The following PGBD1 variants were observed in gnomAD, a reference collection of about 807,000 sequenced individuals.
The protein encoded by PGBD1 is piggyBac transposable element-derived protein 1.
In PGBD1, 25 loss-of-function variants were observed where a neutral mutation model predicts 34.7. The ratio of observed to expected loss-of-function variants is 0.72; its 90% CI spans 0.52 to 1.00. The LOEUF (loss-of-function observed/expected upper bound fraction) is 1.00, where lower values mean the gene tolerates loss of function less well. Among genes scored for constraint, PGBD1 ranks in the 50% least tolerant of loss-of-function variants. The probability of loss-of-function intolerance (pLI) is 0.00; values close to 1 mark genes in which losing one functional copy is unlikely to be tolerated. For synonymous variants in PGBD1, 292 were observed against 335.7 expected, an observed-to-expected ratio of 0.87 and a Z score of 1.42; for missense variants, 830 against 959.4, an observed-to-expected ratio of 0.87 and a Z score of 1.78.
intron 4 of PGBD1, among the ~76,000 whole-genome samples, chr6:28,291,124 C>CAAAAAAAAAAAAAAAAAAAACAA (rs555039853): frequency 1.5e-5 from 1 of 68,476 alleles, no homozygotes; most frequent in Non-Finnish European, 3.1e-5. Context: ...AAATTGAGAC[C>CAAAAAAAAAAAAAAAAAAAACAA]AAAAAAAAAA....
chr6:28,296,898 T>C lies in PGBD1; in HGVS notation c.725T>C (p.Leu242Pro). The change falls in exon 5 of 7, where the codon CTC becomes CCC. Residue 242 changes from leucine (L) to proline (P), a missense_variant. By Grantham distance (98) the Leu-to-Pro change is moderately conservative (BLOSUM62 -3). Coordinates refer to ENST00000682144, the MANE Select transcript of PGBD1 (RefSeq NM_032507.4). ...WSHLSLTRRNLCGNSAQETVM... is the reference protein window; with the variant it reads ...WSHLSLTRRNPCGNSAQETVM... ...CATCTGAGTCTGACTCGGAGGAACC[T>C]CTGTGGGAACTCAGCTCAGGAGACA... The C allele has an allele frequency of 6.2e-7, 1 of 1,614,178 alleles. No individual in the cohort carries two copies. The highest frequency in any genetic ancestry group is 8.5e-7 in the Non-Finnish European group (1 of 1,180,000).
Position 28,302,256 on chromosome 6 carries a change from T to A in PGBD1, c.2402T>A (p.Leu801Ter). 1 of 1,613,362 alleles carries A rather than the reference T, an allele frequency of 6.2e-7. No homozygotes were observed. The highest frequency in any genetic ancestry group is 8.5e-7 in the Non-Finnish European group (1 of 1,179,404). Residue 801 changes from leucine (L) to a stop codon, truncating the protein, a stop_gained, in exon 7 of 7, where the codon TTG (leucine) becomes TAG (stop). Transcript: ENST00000682144. LOFTEE classifies it high-confidence loss of function. ...CGGAGATTTGTTGCACATTTCTACT[T>A]GGAACACAATGCTCATCTGTCAGAT... ...DFRRFVAHFY[L>*]EHNAHLSD
chr6:28,296,186 T>C (rs1027411439), intron 4 of PGBD1, among the ~76,000 whole-genome samples: 2 of 152,218 alleles, frequency 1.3e-5, no homozygotes, highest in African/African-American at 4.8e-5. Context: ...TTTTAAACAA[T>C]CTTTGTTGAT....
chr6:28,302,405 T>A lies in PGBD1; in HGVS notation c.*121T>A. On this transcript the variant is annotated 3_prime_UTR_variant, in exon 7 of 7. Coordinates refer to ENST00000682144, the MANE Select transcript of PGBD1 (RefSeq NM_032507.4). ...GTAATGAAGTTATTAAATAATACTT[T>A]TAAAAATCAGACATTTATATAGAGT... is the stretch of plus-strand genomic sequence containing the variant. 1 of 1,031,324 alleles carries A rather than the reference T, an allele frequency of 9.7e-7. No individual in the cohort carries two copies. Among genetic ancestry groups the A allele is most frequent in the Non-Finnish European group, 1.4e-6 (1 of 737,034 alleles). 63.9% of individuals were successfully genotyped at this position (1,031,324 alleles called of 1,614,324 possible).
chr6:28,296,302 C>G (rs1461009575), intron 4 of PGBD1, among the ~76,000 whole-genome samples: 1 of 152,170 alleles, frequency 6.6e-6, no homozygotes, highest in Admixed American at 6.5e-5. Context: ...TTTGTTATAA[C>G]TGCAATATTA....
In PGBD1 at chr6:28,297,887, T is replaced by C. The variant is rs373123739; in HGVS notation, c.773-8T>C. The C allele has an allele frequency of 2.6e-5, 33 of 1,274,184 alleles. No homozygotes were observed. The East Asian group carries it at 4.0e-4, about 16-fold the overall frequency. The allele number at this position is 1,274,184 out of a possible 1,614,324, so 78.9% of individuals were successfully genotyped here. The stretch of plus-strand genomic sequence containing the variant: ...GATGACATTTAAATCATTAATGTTA[T>C]ATTTTAGCTGAAGAAATTGTAACTA... On this transcript the variant is annotated splice_region_variant and splice_polypyrimidine_tract_variant and intron_variant, in intron 5 of 6. Transcript: ENST00000682144.
At chr6:28,297,841 T>G (rs1363775151) in intron 5 of PGBD1, 54 bp from the exon 6 acceptor site, 3 of 302,582 alleles carry the variant, frequency 9.9e-6, no homozygotes, top group African/African-American at 8.1e-5. Context: ...TTTTTTTTTT[T>G]TTTTCAAAAT....
At position 28,300,808 on chromosome 6, in the gene PGBD1, C is replaced by T. The variant is rs755137447; in HGVS notation, c.954C>T (p.His318=). The change falls in exon 7 of 7, where the codon CAC becomes CAT. Residue 318 remains histidine (H), a synonymous_variant. Transcript: ENST00000682144. The surrounding 1 kb of genome is among the most constrained non-coding windows in gnomAD (Gnocchi z 4.0). ...VAHLNTLKDR[H]PGDLWARMHI... is the part of the protein sequence containing the mutation. ...ATTTGAACACTCTGAAGGACCGTCACCCAGGTGATTTGTGGGCCCGCATGC... is the reference window on the plus strand; with the variant it reads ...ATTTGAACACTCTGAAGGACCGTCATCCAGGTGATTTGTGGGCCCGCATGC... The T allele has an allele frequency of 3.7e-6, 6 of 1,614,106 alleles. No individual in the cohort carries two copies. In the South Asian group the frequency reaches 6.6e-5, roughly 18 times the overall value.
At chr6:28,297,845 T>TTTAAAAATAAAAAA in intron 5 of PGBD1, 50 bp from the exon 6 acceptor site, 11 of 283,622 alleles carry the variant, frequency 3.9e-5, no homozygotes, top group East Asian at 6.9e-5. Flanking sequence ...TTTTTTTTTT[T>TTTAAAAATAAAAAA]CAAAATTCAC....
intron 4 of PGBD1, among the ~76,000 whole-genome samples, chr6:28,296,386 C>T (rs891139423): frequency 1.3e-5 from 2 of 152,202 alleles, no homozygotes; most frequent in Non-Finnish European, 2.9e-5. Context: ...AGTGAGTCAA[C>T]TTTTGTGACA....
intron 5 of PGBD1, among the ~76,000 whole-genome samples, chr6:28,297,541 C>T (rs9468328): frequency 0.035 from 5,381 of 152,122 alleles, 239 homozygotes; most frequent in African/African-American, 0.1. Context: ...TTTGTAGACA[C>T]GGAGTCTCGC....
chr6:28,283,701 T>C, intron 1 of PGBD1, 75 bp from the exon 2 acceptor site: 2 of 1,352,666 alleles, frequency 1.5e-6, no homozygotes, highest in Non-Finnish European at 2.0e-6. Context: ...GTAGGTTACA[T>C]ACAGTTTTGA....
Position 28,301,685 on chromosome 6 carries a change from G to A in PGBD1, c.1831G>A (p.Ala611Thr), listed in dbSNP as rs143963445. Residue 611 changes from alanine (A) to threonine (T), a missense_variant, in exon 7 of 7, where the codon GCT becomes ACT. Transcript: ENST00000682144. Reference sequence around the variant, plus strand: ...AGGTGGAAATCTAGTGATGAACTTCGCTGATGTTCTTTTAGAGAGAGGTCA... The same window carrying A: ...AGGTGGAAATCTAGTGATGAACTTCACTGATGTTCTTTTAGAGAGAGGTCA... Reference protein sequence around the residue: ...GLGGNLVMNFADVLLERGQYP... With the variant: ...GLGGNLVMNFTDVLLERGQYP... The A allele has an allele frequency of 2.7e-5, 43 of 1,613,968 alleles. No individual in the cohort carries two copies. Among genetic ancestry groups the A allele is most frequent in the East Asian group, 6.7e-5 (3 of 44,876 alleles).
chr6:28,293,489 G>GT (rs1762533521), intron 4 of PGBD1, among the ~76,000 whole-genome samples: 1 of 152,188 alleles, frequency 6.6e-6, no homozygotes, highest in Admixed American at 6.5e-5. Flanking sequence ...GTGCTTTGCA[G>GT]TATTGAAAGT....
At position 28,284,883 on chromosome 6, in the gene PGBD1, G is replaced by C. The variant is rs527925500; in HGVS notation, c.397-668G>C. Among the ~76,000 whole-genome samples, 3 of 152,254 alleles carry C rather than the reference G, an allele frequency of 2.0e-5. No individual in the cohort carries two copies. In the South Asian group the frequency reaches 6.2e-4, roughly 32 times the overall value. On this transcript the variant is annotated intron_variant, in intron 2 of 6. Coordinates refer to ENST00000682144, the MANE Select transcript of PGBD1 (RefSeq NM_032507.4). The stretch of plus-strand genomic sequence containing the variant: ...TGTATCACAAGAATACAAAAATCAA[G>C]TTTAGGGAAATTAAACTTACGATAC...
chr6:28,291,163 A>G (rs1385381365), intron 4 of PGBD1, among the ~76,000 whole-genome samples: 1 of 151,270 alleles, frequency 6.6e-6, no homozygotes, highest in Non-Finnish European at 1.5e-5. Flanking sequence ...CAATGAAACA[A>G]GAAGTTGGAT....
chr6:28,294,816 A>G (rs746913753), intron 4 of PGBD1, among the ~76,000 whole-genome samples: 3 of 152,250 alleles, frequency 2.0e-5, no homozygotes, highest in Non-Finnish European at 4.4e-5. Flanking sequence ...GAGAGGTACA[A>G]GGAAATTAAT....
In PGBD1 at chr6:28,301,396, T is replaced by A. The variant is rs1762835814; in HGVS notation, c.1542T>A (p.Asp514Glu). 6.2e-7 allele frequency: 1 copy of A among 1,613,944 alleles called. No homozygotes were observed. Among genetic ancestry groups the A allele is most frequent in the Non-Finnish European group, 8.5e-7 (1 of 1,180,018 alleles). The change falls in exon 7 of 7, where the codon GAT becomes GAA. Residue 514 changes from aspartate to glutamate, a missense_variant. Asp to Glu is a conservative substitution (Grantham distance 45). Transcript: ENST00000682144. The stretch of plus-strand genomic sequence containing the variant: ...ACTTTGCAGATAATGGCCACCTAGA[T>A]CAAAAAGATAAGTTTACAAAGTTGA... The part of the protein sequence containing the change: ...NLHFADNGHL[D>E]QKDKFTKLRP...
chr6:28,298,797 C>T (rs976928109), intron 6 of PGBD1, among the ~76,000 whole-genome samples: 4 of 151,996 alleles, frequency 2.6e-5, no homozygotes, highest in Non-Finnish European at 5.9e-5. Context: ...GGAGAAGCCT[C>T]GGGAATGCCC....
Sources: allele counts gnomAD v4.1 joint callset (sites outside exome capture counted in the v4.1 genomes callset), GRCh38; gene constraint gnomAD v4.1.1; non-coding constraint Gnocchi (gnomAD v3.1); transcripts MANE v1.5; gene names NCBI Gene and HGNC (gene_info 2026-07-23, HGNC 2026-07-21).